DOCK7: variants seen among roughly 807,000 people sequenced by gnomAD.
DOCK7 encodes the protein dedicator of cytokinesis 7, also known as dedicator of cytokinesis protein 7.
In DOCK7, 138 loss-of-function variants were observed where a neutral mutation model predicts 271.0. The ratio of observed to expected loss-of-function variants is 0.51; its 90% CI spans 0.44 to 0.59. The LOEUF (loss-of-function observed/expected upper bound fraction) is 0.59. DOCK7 is among the 20% of genes least tolerant of loss of function. The probability of loss-of-function intolerance (pLI) is 0.00; values close to 1 mark genes in which losing one functional copy is unlikely to be tolerated. For missense variants in DOCK7, 2,066 were observed against 2,592.4 expected (o/e 0.80, Z 4.41); for synonymous variants, 823 against 876.1 (o/e 0.94, Z 1.07).
In DOCK7 at chr1:62,631,370, T is replaced by C. The variant is rs762174084; in HGVS notation, c.1152A>G (p.Ala384=). Residue 384 remains alanine, a synonymous_variant, in exon 11 of 50, where the codon GCA becomes GCG. Coordinates refer to ENST00000635253, the MANE Select transcript of DOCK7 (RefSeq NM_001367561.1). ...KEKLEKLKSQ[A]DQFCQRLGKY... ...TCCCAAGTCTTTGGCAAAACTGATCTGCTTGACTCTTCAGTTTCTCCAGTT... is the reference window on the plus strand; with the variant it reads ...TCCCAAGTCTTTGGCAAAACTGATCCGCTTGACTCTTCAGTTTCTCCAGTT... 2 of 1,607,924 alleles carry C rather than the reference T, an allele frequency of 1.2e-6. No homozygotes were observed. Among genetic ancestry groups the C allele is most frequent in the Admixed American group, 3.4e-5 (2 of 58,366 alleles).
intron 25 of DOCK7, among the ~76,000 whole-genome samples, chr1:62,542,066 T>C (rs1001513686): frequency 2.0e-5 from 3 of 152,062 alleles, no homozygotes; most frequent in Non-Finnish European, 2.9e-5. Context: ...TTGGTAGATA[T>C]GGGCTCTTGC....
intron 14 of DOCK7, chr1:62,601,636 A>G (rs1483886459): frequency 1.6e-6 from 1 of 606,740 alleles, no homozygotes; most frequent in Non-Finnish European, 2.9e-6. Context: ...TCTAAGAAAA[A>G]TGCTTTAACA....
At chr1:62,679,508 A>G (rs143868054) in intron 1 of DOCK7, among the ~76,000 whole-genome samples, 3 of 152,358 alleles carry the variant, frequency 2.0e-5, no homozygotes, top group African/African-American at 4.8e-5. Flanking sequence ...AGCAATTTAC[A>G]TAAGAAGAAA....
At chr1:62,514,012 A>G (rs1644583610) in intron 31 of DOCK7, 114 bp from the exon 32 acceptor site, 1 of 911,996 alleles carries the variant, frequency 1.1e-6, no homozygotes. Context: ...TAAAAATAAT[A>G]TAATTAAAAA....
intron 7 of DOCK7, among the ~76,000 whole-genome samples, chr1:62,643,871 C>T (rs111818137): frequency 2.6e-5 from 4 of 152,036 alleles, no homozygotes; most frequent in South Asian, 2.1e-4. Context: ...ATCTAATCTA[C>T]GTTGAGCCCA....
Position 62,492,837 on chromosome 1 carries a change from G to A in DOCK7, c.5228C>T (p.Ser1743Phe), listed in dbSNP as rs769332967. Residue 1743 changes from serine to phenylalanine, a missense_variant, in exon 41 of 50, where the codon TCT becomes TTT. Transcript: ENST00000635253. ...VGCVTFQNISSNVLEESAVSD... is the reference protein window; with the variant it reads ...VGCVTFQNISFNVLEESAVSD... Reference sequence around the variant, plus strand: ...GACCGCAGATTCTTCTAAAACATTAGATGAAATATTCTAGGGAAAAAATAT... The same window carrying A: ...GACCGCAGATTCTTCTAAAACATTAAATGAAATATTCTAGGGAAAAAATAT... 1 of 1,610,664 alleles carries A rather than the reference G, an allele frequency of 6.2e-7. No homozygotes were observed. The highest frequency in any genetic ancestry group is 2.2e-5 in the East Asian group (1 of 44,788).
intron 1 of DOCK7, among the ~76,000 whole-genome samples, chr1:62,677,669 T>A (rs572775922): frequency 6.6e-6 from 1 of 151,992 alleles, no homozygotes; most frequent in East Asian, 1.9e-4. Context: ...TCTGAAGAAA[T>A]TGAATTGACT....
At chr1:62,629,125 T>C (rs916951807) in intron 11 of DOCK7, 7 of 152,168 alleles carry the variant, frequency 4.6e-5, no homozygotes, top group Admixed American at 3.9e-4. Context: ...CTTCACACAC[T>C]AGTGGAATGC....
intron 14 of DOCK7, among the ~76,000 whole-genome samples, chr1:62,594,118 T>A (rs1480683587): frequency 6.6e-6 from 1 of 152,126 alleles, no homozygotes; most frequent in Non-Finnish European, 1.5e-5. Context: ...TTCCTTGGCA[T>A]AAAATTTTTT....
chr1:62,670,198 C>G (rs977009598), intron 1 of DOCK7, among the ~76,000 whole-genome samples: 21 of 152,218 alleles, frequency 1.4e-4, no homozygotes, highest in Non-Finnish European at 2.8e-4. Flanking sequence ...CTTTGCGGCC[C>G]GAGCCTCCCC....
Position 62,513,891 on chromosome 1 carries a change from C to T in DOCK7, c.3944G>A (p.Arg1315Lys), listed in dbSNP as rs779081017. 6.2e-7 allele frequency: 1 copy of T among 1,611,370 alleles called. No individual in the cohort carries two copies. Among genetic ancestry groups the T allele is most frequent in the Non-Finnish European group, 8.5e-7 (1 of 1,179,062 alleles). Residue 1315 changes from arginine (R) to lysine (K), a missense_variant, in exon 32 of 50, where the codon AGG becomes AAG. Around this residue, in one of 2 missense-constraint regions of DOCK7, gnomAD observed 1,414 missense variants for 1,670.4 expected, o/e 0.85. Transcript: ENST00000635253. ...TTCTGCTGAAAAGGTAGTGTGTTGCCTGCCACTCTGAAAATAAAGAGCAGT... is the reference window on the plus strand; with the variant it reads ...TTCTGCTGAAAAGGTAGTGTGTTGCTTGCCACTCTGAAAATAAAGAGCAGT... ...GSFLLTSTSG[R>K]QHTTFSAESS...
At position 62,494,460 on chromosome 1, in the gene DOCK7, T is replaced by C; in HGVS notation, c.5032A>G (p.Lys1678Glu). 1 of 1,597,480 alleles carries C rather than the reference T, an allele frequency of 6.3e-7. No individual in the cohort carries two copies. Among genetic ancestry groups the C allele is most frequent in the Non-Finnish European group, 8.6e-7 (1 of 1,166,992 alleles). ...AGATCTGGAGAGGTCTGGTAACCCT[T>C]GGCAATTCTAATTAGAACAGAAATT... ...MLIDLMYRIA[K>E]GYQTSPDLRL... The change falls in exon 40 of 50, where the codon AAG (lysine) becomes GAG (glutamate). Residue 1678 changes from lysine to glutamate, a missense_variant. Lys to Glu is a moderately conservative substitution (Grantham distance 56). This residue lies in a region of DOCK7 where 652 missense variants were observed against 922.1 expected (regional missense o/e 0.71). Coordinates refer to ENST00000635253, the MANE Select transcript of DOCK7 (RefSeq NM_001367561.1).
At chr1:62,528,077 A>T (rs1476039600) in intron 31 of DOCK7, 74 bp downstream of exon 31, 3 of 1,435,604 alleles carry the variant, frequency 2.1e-6, no homozygotes, top group Non-Finnish European at 2.8e-6. Context: ...CAATCATCTC[A>T]TATATTTAAG....
intron 31 of DOCK7, among the ~76,000 whole-genome samples, chr1:62,524,387 G>GTA (rs1294672293): frequency 6.6e-6 from 1 of 152,146 alleles, no homozygotes; most frequent in Non-Finnish European, 1.5e-5. Context: ...CTAAATAAAA[G>GTA]TATATATATG....
chr1:62,586,413 T>G, intron 15 of DOCK7, 94 bp downstream of exon 15: 1 of 825,688 alleles, frequency 1.2e-6, no homozygotes, highest in Non-Finnish European at 1.9e-6. Flanking sequence ...AAGATCACAT[T>G]AATTTCCAGG....
chr1:62,538,743 C>T (rs541066022), intron 27 of DOCK7, among the ~76,000 whole-genome samples: 5 of 152,312 alleles, frequency 3.3e-5, no homozygotes, highest in South Asian at 4.1e-4. Context: ...AAATATTAGA[C>T]TGCCAAATAG....
chr1:62,631,443 TGAAA>T (rs755739963), intron 10 of DOCK7, 38 bp from the exon 11 acceptor site: 1 of 1,506,770 alleles, frequency 6.6e-7, no homozygotes, highest in Non-Finnish European at 8.9e-7. Flanking sequence ...TGATTATACT[TGAAA>T]GAAATCAGTT....
intron 48 of DOCK7, among the ~76,000 whole-genome samples, chr1:62,465,436 T>G (rs1041551087): frequency 3.0e-4 from 46 of 152,056 alleles, no homozygotes; most frequent in African/African-American, 1.1e-3. Flanking sequence ...GTAGCTACAG[T>G]TGCCCACCAT....
At chr1:62,567,865 T>C (rs931298835) in intron 18 of DOCK7, among the ~76,000 whole-genome samples, 3 of 152,020 alleles carry the variant, frequency 2.0e-5, no homozygotes, top group Non-Finnish European at 4.4e-5. Context: ...TAAAAATTTC[T>C]TTAAAAATAA....
Sources: gnomAD v4.1 joint callset for allele counts (sites outside exome capture counted in the v4.1 genomes callset) on GRCh38, gnomAD v4.1.1 for gene constraint, gnomAD v4.1.1 regional missense constraint, MANE v1.5 for transcripts, NCBI Gene and HGNC (gene_info 2026-07-23, HGNC 2026-07-21) for gene names.